The following REV1 variants were observed in gnomAD, a reference collection of about 807,000 sequenced individuals.
REV1 encodes translesion synthesis protein REV1.
In REV1, 42 loss-of-function variants were observed where a neutral mutation model predicts 137.4. The observed-to-expected ratio is 0.31, with a 90% CI of 0.24 to 0.40. REV1 has a LOEUF of 0.40. REV1 is among the 10% of genes least tolerant of loss of function. REV1 has a pLI of 1.00. For missense variants in REV1, 1,282 were observed against 1,490.1 expected (o/e 0.86, Z 2.30); for synonymous variants, 524 against 519.2 (o/e 1.01, Z -0.12).
At chr2:99,451,264 G>T in intron 3 of REV1, 1 of 837,986 alleles carries the variant, frequency 1.2e-6, no homozygotes, top group Non-Finnish European at 1.5e-6. Context: ...GACTTAAATA[G>T]AAAACGGCTG....
intron 12 of REV1, among the ~76,000 whole-genome samples, chr2:99,414,373 C>T (rs944321829): frequency 7.2e-5 from 11 of 151,986 alleles, no homozygotes; most frequent in East Asian, 5.8e-4. Flanking sequence ...AGGCGTTAAG[C>T]GTGCTCGTTC....
chr2:99,455,582 AAGTCTTCTATGTCAG>A (rs1283199602), intron 3 of REV1, among the ~76,000 whole-genome samples: 2 of 152,214 alleles, frequency 1.3e-5, no homozygotes, highest in African/African-American at 4.8e-5. Context: ...TTAATATGGT[AAGTCTTCTATGTCAG>A]AGGTTCAATT....
At chr2:99,439,424 C>A in intron 5 of REV1, 114 bp from the exon 6 acceptor site, 8 of 623,574 alleles carry the variant, frequency 1.3e-5, no homozygotes, top group South Asian at 5.7e-5. Context: ...CCTTTAAAAA[C>A]AGAAAATTCT....
chr2:99,409,855 C>A (rs1464515729), intron 14 of REV1, among the ~76,000 whole-genome samples: 5 of 20,928 alleles, frequency 2.4e-4, no homozygotes, highest in African/African-American at 1.4e-3. Flanking sequence ...AACAAACAAC[C>A]CCCCCCCCCC....
At chr2:99,410,618 GT>G in intron 14 of REV1, 76 bp downstream of exon 14, 1 of 1,305,440 alleles carries the variant, frequency 7.7e-7, no homozygotes, top group Non-Finnish European at 1.1e-6. Context: ...CTCCTCCTTG[GT>G]TTTCTTCATT....
intron 5 of REV1, 129 bp downstream of exon 5, chr2:99,442,188 G>A (rs1420506882): frequency 1.3e-6 from 1 of 777,384 alleles, no homozygotes; most frequent in Non-Finnish European, 1.9e-6. Context: ...GGAGGCAGAG[G>A]TTGCAATGAG....
rs1680690651 is a variant in REV1, at chr2:99,435,915, T to G, written c.1240A>C (p.Arg414=). 5 of 1,604,100 alleles carry G rather than the reference T, an allele frequency of 3.1e-6. No homozygotes were observed. In the East Asian group the frequency reaches 1.1e-4, roughly 36 times the overall value. The part of the protein sequence containing the change: ...TGDMSVLNSP[R]HQSCIMHVDM... ...ACATGCATTATACAGCTCTGATGTC[T>G]GGGAGAATTCAATACTGACATATCT... Residue 414 remains arginine (R), a synonymous_variant, in exon 7 of 23, where the codon AGA becomes CGA. Transcript: ENST00000258428.
chr2:99,478,740 C>T (rs1220325908), intron 1 of REV1, among the ~76,000 whole-genome samples: 7 of 152,192 alleles, frequency 4.6e-5, no homozygotes, highest in African/African-American at 1.7e-4. Context: ...ATCACTAGCA[C>T]AGGGCCTGTT....
At chr2:99,423,450 C>G (rs948205553) in intron 10 of REV1, among the ~76,000 whole-genome samples, 2 of 152,072 alleles carry the variant, frequency 1.3e-5, no homozygotes, top group Admixed American at 6.5e-5. Flanking sequence ...GAACTGAGAA[C>G]TTCTGTTGAG....
chr2:99,447,098 G>A (rs189686201), intron 4 of REV1, among the ~76,000 whole-genome samples: 28 of 152,172 alleles, frequency 1.8e-4, no homozygotes, highest in Admixed American at 6.5e-4. Flanking sequence ...TTATAGGGAC[G>A]AGCCTTTGAC....
chr2:99,451,869 C>G, intron 3 of REV1, among the ~76,000 whole-genome samples: 1 of 152,094 alleles, frequency 6.6e-6, no homozygotes, highest in East Asian at 1.9e-4. Flanking sequence ...CTATGGACAG[C>G]AGCCAGGGAC....
At chr2:99,424,883 C>G (rs1324620012) in intron 9 of REV1, 1 of 1,302,036 alleles carries the variant, frequency 7.7e-7, no homozygotes, top group South Asian at 1.2e-5. Context: ...AGCCAGGGTT[C>G]CAGAACTTTG....
chr2:99,473,140 C>T (rs929933860), intron 1 of REV1, among the ~76,000 whole-genome samples: 1 of 151,924 alleles, frequency 6.6e-6, no homozygotes, highest in Non-Finnish European at 1.5e-5. Context: ...CTGAGGTGGG[C>T]AGATCATTTG....
chr2:99,465,438 G>C (rs1684685793), intron 1 of REV1, among the ~76,000 whole-genome samples: 3 of 152,154 alleles, frequency 2.0e-5, no homozygotes, highest in Admixed American at 2.0e-4. Context: ...GTCATAGCCT[G>C]ATTCACATAT....
chr2:99,446,095 G>A (rs2104908939), intron 4 of REV1, among the ~76,000 whole-genome samples: 1 of 152,300 alleles, frequency 6.6e-6, no homozygotes, highest in East Asian at 1.9e-4. Context: ...CTGTTACAAT[G>A]ACATAATGGA....
chr2:99,424,693 C>T, intron 9 of REV1: 1 of 1,210,890 alleles, frequency 8.3e-7, no homozygotes. Flanking sequence ...GTTCATCCCC[C>T]AAAGACAAAG....
intron 4 of REV1, among the ~76,000 whole-genome samples, chr2:99,447,035 A>G (rs1276580707): frequency 6.6e-6 from 1 of 152,216 alleles, no homozygotes; most frequent in Non-Finnish European, 1.5e-5. Context: ...TATCATTGAT[A>G]GACAGTGGTT....
At chr2:99,427,497 A>G (rs1225856938) in intron 9 of REV1, among the ~76,000 whole-genome samples, 1 of 152,116 alleles carries the variant, frequency 6.6e-6, no homozygotes, top group Non-Finnish European at 1.5e-5. Context: ...TTCACATTCT[A>G]TCCTTTGCTG....
intron 3 of REV1, among the ~76,000 whole-genome samples, chr2:99,454,856 G>A (rs1029456711): frequency 6.6e-6 from 1 of 152,152 alleles, no homozygotes; most frequent in African/African-American, 2.4e-5. Context: ...ACAGACAATT[G>A]AAAGCACAGT....
Sources: allele counts gnomAD v4.1 joint callset (sites outside exome capture counted in the v4.1 genomes callset), GRCh38; gene constraint gnomAD v4.1.1; transcripts MANE v1.5; gene names NCBI Gene and HGNC (gene_info 2026-07-23, HGNC 2026-07-21).